Variants in TK1 observed in about 807,000 individuals in gnomAD.
TK1 encodes thymidine kinase, cytosolic.
TK1 carries 13 observed loss-of-function variants against 22.4 expected under a neutral mutation model. The observed-to-expected ratio is 0.58, with a 90% CI of 0.38 to 0.92. The LOEUF (loss-of-function observed/expected upper bound fraction) is 0.92, where lower values mean the gene tolerates loss of function less well. TK1 is among the 40% of genes least tolerant of loss of function. The pLI is 0.00. For missense variants in TK1, 251 were observed against 315.7 expected, an observed-to-expected ratio of 0.80 and a Z score of 1.55; for synonymous variants, 134 against 125.4, an observed-to-expected ratio of 1.07 and a Z score of -0.46.
At chr17:78,178,027 C>A (rs373269232) in intron 4 of TK1, among the ~76,000 whole-genome samples, 3 of 152,210 alleles carry the variant, frequency 2.0e-5, no homozygotes, top group Admixed American at 6.5e-5. Context: ...TGTGCCACCA[C>A]GCTTGGCTAA....
chr17:78,176,941 G>A (rs1811086), intron 4 of TK1, among the ~76,000 whole-genome samples: 14,867 of 152,144 alleles, frequency 0.098, 1,269 homozygotes, highest in Admixed American at 0.21. Flanking sequence ...CTCCTGAGTT[G>A]AGAACCTTGC....
chr17:78,178,479 C>T (rs1332853568), intron 4 of TK1, among the ~76,000 whole-genome samples: 1 of 152,200 alleles, frequency 6.6e-6, no homozygotes, highest in Non-Finnish European at 1.5e-5. Context: ...AAGGCTTTCC[C>T]TGCTGACCCA....
upstream of TK1, chr17:78,187,152 C>T (rs144204502): frequency 0.013 from 12,395 of 966,064 alleles, 144 homozygotes; most frequent in Middle Eastern, 0.014. Context: ...GCTGACCTGG[C>T]GGGAGATTTG....
chr17:78,177,447 C>A (rs2075708514), intron 4 of TK1, among the ~76,000 whole-genome samples: 1 of 152,204 alleles, frequency 6.6e-6, no homozygotes, highest in Non-Finnish European at 1.5e-5. Flanking sequence ...CCCAAGGTCT[C>A]ATTATATTAT....
intron 3 of TK1, among the ~76,000 whole-genome samples, chr17:78,184,263 C>T (rs770160869): frequency 1.3e-5 from 2 of 152,256 alleles, no homozygotes; most frequent in African/African-American, 2.4e-5. Flanking sequence ...GAAGGCCACA[C>T]GCCGGGTGGA....
chr17:78,175,276 C>T, intron 5 of TK1, 107 bp from the exon 6 acceptor site: 2 of 1,399,548 alleles, frequency 1.4e-6, no homozygotes, highest in Non-Finnish European at 1.9e-6. Context: ...TTTGCTCTGA[C>T]CTTAGTCCTT....
At position 78,186,922 on chromosome 17, in the gene TK1, C is replaced by T. The variant is rs1406932610; in HGVS notation, c.66+7G>A. On this transcript the variant is annotated splice_region_variant and intron_variant, in intron 1 of 6. Transcript: ENST00000301634. ...TCCCCAGCCACGCGCAGGGCTGGCC[C>T]CCGCACCTGGATCTGCCCCCGGGTC... 1 of 1,568,020 alleles carries T rather than the reference C, an allele frequency of 6.4e-7. No homozygotes were observed. Among genetic ancestry groups the T allele is most frequent in the Non-Finnish European group, 8.6e-7 (1 of 1,156,860 alleles).
intron 3 of TK1, among the ~76,000 whole-genome samples, chr17:78,183,947 T>G (rs1368043432): frequency 2.6e-5 from 4 of 152,204 alleles, no homozygotes; most frequent in African/African-American, 9.6e-5. Context: ...TGGCCCGTGT[T>G]AGAGATGACT....
Position 78,174,566 on chromosome 17 carries a change from A to G in TK1, c.*193T>C. 1 of 658,470 alleles carries G rather than the reference A, an allele frequency of 1.5e-6. No individual in the cohort carries two copies. Among genetic ancestry groups the G allele is most frequent in the Non-Finnish European group, 2.5e-6 (1 of 393,992 alleles). 40.8% of individuals were successfully genotyped at this position (658,470 alleles called of 1,614,324 possible). A position where few individuals can be genotyped will look rare whatever the true frequency, so the allele number is the denominator to read the frequency against. On this transcript the variant is annotated 3_prime_UTR_variant, in exon 7 of 7. Transcript: ENST00000301634. ...CCCAGCAGCTGAGAGGGAAGCTTTAAGCAGACCAGTGGGTAGGAGAGGAGG... is the reference window on the plus strand; with the variant it reads ...CCCAGCAGCTGAGAGGGAAGCTTTAGGCAGACCAGTGGGTAGGAGAGGAGG...
At chr17:78,187,102 G>A, upstream of TK1, 1 of 1,283,766 alleles carries the variant, frequency 7.8e-7, no homozygotes, top group Non-Finnish European at 1.1e-6. Flanking sequence ...GGCCAATCAC[G>A]AGCCGGCCCC....
At chr17:78,185,271 C>T in intron 2 of TK1, 106 bp from the exon 3 acceptor site, 1 of 767,272 alleles carries the variant, frequency 1.3e-6, no homozygotes, top group South Asian at 1.5e-5. Context: ...GGTATGCAGA[C>T]TGAGCCCACC....
chr17:78,174,656 C>T lies in TK1; in HGVS notation c.*103G>A. On this transcript the variant is annotated 3_prime_UTR_variant, in exon 7 of 7. Transcript: ENST00000301634. ...CCCAGAAGGCCAAGGTGTGGTCACC[C>T]TCCACGCCTCCCGACTTCCTCCTGG... 2.2e-6 allele frequency: 3 copies of T among 1,358,684 alleles called. No individual in the cohort carries two copies. The highest frequency in any genetic ancestry group is 2.5e-5 in the East Asian group (1 of 39,676). 84.2% of individuals were successfully genotyped at this position (1,358,684 alleles called of 1,614,324 possible). A position where few individuals can be genotyped will look rare whatever the true frequency, so the allele number is the denominator to read the frequency against.
Position 78,175,582 on chromosome 17 carries a change from T to C in TK1, c.340A>G (p.Asn114Asp). 1 of 1,613,800 alleles carries C rather than the reference T, an allele frequency of 6.2e-7. No individual in the cohort carries two copies. Among genetic ancestry groups the C allele is most frequent in the Non-Finnish European group, 8.5e-7 (1 of 1,179,854 alleles). Residue 114 changes from asparagine (N) to aspartate (D), a missense_variant, in exon 5 of 7, where the codon AAC becomes GAC. Coordinates refer to ENST00000301634, the MANE Select transcript of TK1 (RefSeq NM_003258.5). Reference protein sequence around the residue: ...DIVEFCEAMANAGKTVIVAAL... With the variant: ...DIVEFCEAMADAGKTVIVAAL... Reference sequence around the variant, plus strand: ...GCCACAATTACGGTCTTCCCGGCGTTGGCCATGGCCTCGCAGAACTCCACG... The same window carrying C: ...GCCACAATTACGGTCTTCCCGGCGTCGGCCATGGCCTCGCAGAACTCCACG...
chr17:78,175,203 C>T (rs371933767), intron 5 of TK1, 34 bp from the exon 6 acceptor site: 3 of 1,571,432 alleles, frequency 1.9e-6, no homozygotes, highest in Admixed American at 4.2e-5. Flanking sequence ...GGGCGCTCAG[C>T]CACCTTACCA....
intron 2 of TK1, among the ~76,000 whole-genome samples, chr17:78,186,133 G>GGGGT (rs940238084): frequency 2.0e-5 from 3 of 152,040 alleles, no homozygotes; most frequent in African/African-American, 7.2e-5. Context: ...GGAGGCGGGG[G>GGGGT]GGTGCACGCC....
intron 4 of TK1, among the ~76,000 whole-genome samples, chr17:78,178,968 T>C (rs1441032777): frequency 6.6e-6 from 1 of 152,138 alleles, no homozygotes; most frequent in Admixed American, 6.5e-5. Context: ...AAGTTTTACT[T>C]GCTGGCCAGG....
intron 2 of TK1, among the ~76,000 whole-genome samples, chr17:78,186,432 C>G (rs1241594491): frequency 6.6e-6 from 1 of 151,852 alleles, no homozygotes; most frequent in African/African-American, 2.4e-5. Context: ...TAGGGGTGTA[C>G]AAAAAGGCCT....
At chr17:78,183,319 A>G (rs1052214238) in intron 3 of TK1, among the ~76,000 whole-genome samples, 2 of 152,230 alleles carry the variant, frequency 1.3e-5, no homozygotes, top group Non-Finnish European at 2.9e-5. Flanking sequence ...GTTTCCTTTT[A>G]AAATTCAGAA....
intron 4 of TK1, among the ~76,000 whole-genome samples, chr17:78,178,628 C>T (rs2075717610): frequency 6.6e-6 from 1 of 152,130 alleles, no homozygotes; most frequent in South Asian, 2.1e-4. Flanking sequence ...AATGGGAAGA[C>T]CCTGAACTTC....
Sources: allele counts gnomAD v4.1 joint callset (sites outside exome capture counted in the v4.1 genomes callset), GRCh38; gene constraint gnomAD v4.1.1; transcripts MANE v1.5; gene names NCBI Gene and HGNC (gene_info 2026-07-23, HGNC 2026-07-21).